Variants in PDE4B observed in about 807,000 individuals in gnomAD.
The protein encoded by PDE4B is phosphodiesterase 4B.
In PDE4B, 20 loss-of-function variants were observed where a neutral mutation model predicts 82.2. The ratio of observed to expected loss-of-function variants is 0.24; its 90% CI spans 0.17 to 0.35. PDE4B has a LOEUF of 0.35. Ranked by LOEUF, PDE4B falls within the 10% of genes least tolerant of loss-of-function variation. PDE4B has a pLI of 1.00. For synonymous variants in PDE4B, 320 were observed against 318.9 expected (o/e 1.00, Z -0.04); for missense variants, 655 against 907.2 (o/e 0.72, Z 3.57).
At chr1:66,168,382 G>C (rs149849147) in intron 3 of PDE4B, among the ~76,000 whole-genome samples, 1 of 152,190 alleles carries the variant, frequency 6.6e-6, no homozygotes, top group African/African-American at 2.4e-5. Context: ...TGCTGTTGTG[G>C]TAGGGTGGTC....
intron 1 of PDE4B, among the ~76,000 whole-genome samples, chr1:65,901,161 G>A (rs1339917277): frequency 6.6e-6 from 1 of 152,004 alleles, no homozygotes; most frequent in African/African-American, 2.4e-5. Context: ...GTTTTTTCAT[G>A]AAGGGATGTT....
chr1:66,315,886 G>C (rs1658993664), intron 7 of PDE4B, among the ~76,000 whole-genome samples: 1 of 152,094 alleles, frequency 6.6e-6, no homozygotes, highest in East Asian at 1.9e-4. Flanking sequence ...GGGAACTGTG[G>C]AATTCAGAGT....
intron 3 of PDE4B, among the ~76,000 whole-genome samples, chr1:66,045,929 G>A (rs1421882567): frequency 6.6e-6 from 1 of 151,732 alleles, no homozygotes; most frequent in Non-Finnish European, 1.5e-5. Context: ...CAGGCTGTAA[G>A]GGTGAGAACC....
At chr1:66,193,187 C>G (rs524487) in intron 3 of PDE4B, among the ~76,000 whole-genome samples, 19,371 of 152,124 alleles carry the variant, frequency 0.13, 1,439 homozygotes, top group Non-Finnish European at 0.17. Flanking sequence ...TGTTGTTTGT[C>G]TAGTCCTTTA....
intron 3 of PDE4B, among the ~76,000 whole-genome samples, chr1:66,034,871 C>T (rs996249331): frequency 2.0e-5 from 3 of 152,152 alleles, no homozygotes; most frequent in Non-Finnish European, 2.9e-5. Context: ...GCCTCTGAAC[C>T]AGTCCAACTT....
At chr1:66,130,067 T>A (rs529499553) in intron 3 of PDE4B, among the ~76,000 whole-genome samples, 6 of 152,350 alleles carry the variant, frequency 3.9e-5, no homozygotes. Context: ...ACTGCAGAGA[T>A]CCAACATGCA....
intron 3 of PDE4B, among the ~76,000 whole-genome samples, chr1:66,090,125 G>A (rs954068677): frequency 4.6e-5 from 7 of 151,976 alleles, no homozygotes; most frequent in Admixed American, 1.3e-4. Flanking sequence ...TTTCAGGAGA[G>A]AGTGACCTTA....
At chr1:66,099,908 T>A (rs1645188520) in intron 3 of PDE4B, among the ~76,000 whole-genome samples, 1 of 152,120 alleles carries the variant, frequency 6.6e-6, no homozygotes, top group Non-Finnish European at 1.5e-5. Context: ...ACTCAGATAA[T>A]CTCTCATGTT....
chr1:65,884,789 C>T (rs1371527356), intron 1 of PDE4B, among the ~76,000 whole-genome samples: 1 of 152,160 alleles, frequency 6.6e-6, no homozygotes, highest in East Asian at 1.9e-4. Flanking sequence ...CCATTCAGGA[C>T]ATAGGCATGG....
chr1:65,808,730 T>G (rs1645784692), intron 1 of PDE4B, among the ~76,000 whole-genome samples: 1 of 152,204 alleles, frequency 6.6e-6, no homozygotes, highest in South Asian at 2.1e-4. Flanking sequence ...TTAATAGCAT[T>G]GGAAAGCATT....
chr1:66,136,814 G>GGACAGA (rs1646067930), intron 3 of PDE4B, among the ~76,000 whole-genome samples: 1 of 151,896 alleles, frequency 6.6e-6, no homozygotes, highest in Non-Finnish European at 1.5e-5. Flanking sequence ...AGGCAGGGAA[G>GGACAGA]GACAGAGACA....
intron 3 of PDE4B, among the ~76,000 whole-genome samples, chr1:66,003,859 C>A (rs186878783): frequency 1.9e-3 from 294 of 152,274 alleles, no homozygotes; most frequent in African/African-American, 6.8e-3. Context: ...ATGCAAATTT[C>A]AGTTTCATGG....
intron 3 of PDE4B, among the ~76,000 whole-genome samples, chr1:65,922,653 T>C (rs1322936777): frequency 6.6e-6 from 1 of 152,136 alleles, no homozygotes; most frequent in East Asian, 1.9e-4. Context: ...GGAGGATCTG[T>C]AGAAATCCTA....
At chr1:65,925,951 C>A (rs566510637) in intron 3 of PDE4B, among the ~76,000 whole-genome samples, 1 of 152,142 alleles carries the variant, frequency 6.6e-6, no homozygotes, top group Non-Finnish European at 1.5e-5. Context: ...ACCCTTCTGG[C>A]AGTCTCCTGG....
chr1:66,120,077 C>A (rs974114440), intron 3 of PDE4B, among the ~76,000 whole-genome samples: 1 of 152,178 alleles, frequency 6.6e-6, no homozygotes, highest in Non-Finnish European at 1.5e-5. Context: ...TTAAGCTACT[C>A]AGTTTGTAGT....
intron 3 of PDE4B, among the ~76,000 whole-genome samples, chr1:66,208,152 A>G (rs1290289201): frequency 1.3e-5 from 2 of 152,166 alleles, no homozygotes; most frequent in East Asian, 1.9e-4. Context: ...GCCTCTTTCA[A>G]TATTTCCTGT....
Sources: allele counts gnomAD v4.1 joint callset (sites outside exome capture counted in the v4.1 genomes callset), GRCh38; gene constraint gnomAD v4.1.1; transcripts MANE v1.5; gene names NCBI Gene and HGNC (gene_info 2026-07-23, HGNC 2026-07-21).